The following KIAA1217 variants were observed in gnomAD, a reference collection of about 807,000 sequenced individuals.
The protein encoded by KIAA1217 is KIAA1217.
KIAA1217 carries 88 observed loss-of-function variants against 163.9 expected under a neutral mutation model. That is an observed-to-expected ratio of 0.54 (90% CI 0.45 to 0.64). The LOEUF is 0.64. Ranked by LOEUF, KIAA1217 falls within the 30% of genes least tolerant of loss-of-function variation. KIAA1217 has a pLI of 0.00. For synonymous variants in KIAA1217, 903 were observed against 923.1 expected, an observed-to-expected ratio of 0.98 and a Z score of 0.39; for missense variants, 2,372 against 2,475.0, an observed-to-expected ratio of 0.96 and a Z score of 0.88.
intron 1 of KIAA1217, among the ~76,000 whole-genome samples, chr10:23,954,283 G>T (rs1330769273): frequency 6.6e-6 from 1 of 152,072 alleles, no homozygotes; most frequent in Non-Finnish European, 1.5e-5. Flanking sequence ...AGGGAAAGGG[G>T]GCCGGGCATG....
At chr10:24,193,393 A>C (rs1210380859) in intron 2 of KIAA1217, among the ~76,000 whole-genome samples, 1 of 152,210 alleles carries the variant, frequency 6.6e-6, no homozygotes. Flanking sequence ...GTTCAATTTC[A>C]ATAGCTGCTT....
intron 1 of KIAA1217, among the ~76,000 whole-genome samples, chr10:23,747,396 T>C (rs373913170): frequency 9.2e-5 from 14 of 152,226 alleles, no homozygotes; most frequent in African/African-American, 3.1e-4. Flanking sequence ...AGAGGTTTTA[T>C]GAAGATGATA....
intron 2 of KIAA1217, among the ~76,000 whole-genome samples, chr10:24,288,189 G>C (rs2078744679): frequency 6.6e-6 from 1 of 152,084 alleles, no homozygotes; most frequent in Admixed American, 6.5e-5. Context: ...TTTGAAAGTT[G>C]TTGTGATGGA....
At chr10:23,740,276 G>T (rs1426481875) in intron 1 of KIAA1217, among the ~76,000 whole-genome samples, 1 of 152,230 alleles carries the variant, frequency 6.6e-6, no homozygotes, top group Non-Finnish European at 1.5e-5. Flanking sequence ...ACTTTGATTT[G>T]TTCATTTCTA....
chr10:24,436,001 C>T (rs1002939942), intron 4 of KIAA1217, among the ~76,000 whole-genome samples: 1 of 151,936 alleles, frequency 6.6e-6, no homozygotes, highest in South Asian at 2.1e-4. Context: ...GCTGGGACTA[C>T]AGGTGTGCGC....
In KIAA1217 at chr10:24,531,931, C is replaced by A; in HGVS notation, c.3184C>A (p.Leu1062Ile). The A allele has an allele frequency of 6.2e-7, 1 of 1,610,204 alleles. No homozygotes were observed. The highest frequency in any genetic ancestry group is 1.1e-5 in the South Asian group (1 of 90,292). ...TCGAAGCTACCTGCCAGGATCGGGA[C>A]TCACCACCACGAGGTCAGGCGATGT... ...PRRSYLPGSG[L>I]TTTRSGDVVY... The change falls in exon 15 of 21, where the codon CTC becomes ATC. Residue 1062 changes from leucine (L) to isoleucine (I), a missense_variant. Coordinates refer to ENST00000376454, the MANE Select transcript of KIAA1217 (RefSeq NM_019590.5).
chr10:23,945,056 C>A (rs1381398451), intron 1 of KIAA1217, among the ~76,000 whole-genome samples: 2 of 119,490 alleles, frequency 1.7e-5, no homozygotes, highest in African/African-American at 8.1e-5. Flanking sequence ...AAGACTCTAT[C>A]TCAAAAAAAA....
chr10:23,785,970 G>A (rs1835473529), intron 1 of KIAA1217, among the ~76,000 whole-genome samples: 1 of 152,080 alleles, frequency 6.6e-6, no homozygotes, highest in East Asian at 1.9e-4. Flanking sequence ...GGGCAGACAA[G>A]TAAAGTATTC....
intron 1 of KIAA1217, among the ~76,000 whole-genome samples, chr10:23,842,692 T>C (rs996316792): frequency 1.3e-5 from 2 of 152,096 alleles, no homozygotes; most frequent in Admixed American, 6.6e-5. Flanking sequence ...CTTCACATGA[T>C]GACATAAGTG....
At position 24,027,713 on chromosome 10, in the gene KIAA1217, C is replaced by T. The variant is rs1245484612; in HGVS notation, c.-171+20339C>T. On this transcript the variant is annotated intron_variant, in intron 2 of 18. Coordinates refer to the KIAA1217 transcript ENST00000376462. ...AAATTATTTACAGACAATAAAATAT[C>T]AATGAAAATTTTAATAGGTTTTATT... Among the ~76,000 whole-genome samples the T allele has an allele frequency of 4.6e-5, 7 of 151,918 alleles. No individual in the cohort carries two copies. The South Asian group carries it at 1.5e-3, about 31-fold the overall frequency.
chr10:23,966,242 G>T (rs1175299631), intron 1 of KIAA1217, among the ~76,000 whole-genome samples: 2 of 152,194 alleles, frequency 1.3e-5, no homozygotes, highest in Non-Finnish European at 2.9e-5. Flanking sequence ...ACAAGCCTCT[G>T]TGGGCACTAC....
At position 24,077,967 on chromosome 10, in the gene KIAA1217, G is replaced by A. The variant is rs751326990; in HGVS notation, c.-171+70593G>A. Among the ~76,000 whole-genome samples, 11 of 152,034 alleles carry A rather than the reference G, an allele frequency of 7.2e-5. 1 individual carries two copies. Among genetic ancestry groups the A allele is most frequent in the South Asian group, 2.1e-4 (1 of 4,808 alleles). ...TGGTGTTGAGCTTTTTTTTCATATC[G>A]TTGTTGGCTGCATAAATGTCTTCTT... On this transcript the variant is annotated intron_variant, in intron 2 of 18. Transcript: ENST00000376462.
At chr10:24,211,785 G>A (rs931643648) in intron 1 of KIAA1217, among the ~76,000 whole-genome samples, 7 of 151,774 alleles carry the variant, frequency 4.6e-5, no homozygotes, top group South Asian at 2.1e-4. Context: ...TGGACCAGGC[G>A]GTGATTAGCA....
chr10:24,532,850 C>T (rs536976868), intron 15 of KIAA1217, among the ~76,000 whole-genome samples: 2 of 152,146 alleles, frequency 1.3e-5, no homozygotes, highest in Admixed American at 1.3e-4. Flanking sequence ...TTGAGGAGTT[C>T]CAATTATATT....
chr10:23,773,805 A>G (rs1449345631), intron 1 of KIAA1217, among the ~76,000 whole-genome samples: 1 of 151,984 alleles, frequency 6.6e-6, no homozygotes, highest in Non-Finnish European at 1.5e-5. Flanking sequence ...TTGTACATTG[A>G]TTTTGTATCC....
At chr10:24,073,216 G>A (rs912155491) in intron 2 of KIAA1217, among the ~76,000 whole-genome samples, 8 of 152,110 alleles carry the variant, frequency 5.3e-5, no homozygotes, top group African/African-American at 1.9e-4. Context: ...GAAACAAGAA[G>A]GAAGCAGAGC....
At chr10:24,542,382 C>G (rs1053468565) in intron 17 of KIAA1217, 2 of 466,216 alleles carry the variant, frequency 4.3e-6, no homozygotes, top group African/African-American at 1.9e-5. Flanking sequence ...AGCTCACAAT[C>G]TGATGTTGAA....
chr10:24,247,726 G>A (rs1028357530), intron 2 of KIAA1217, among the ~76,000 whole-genome samples: 2 of 152,078 alleles, frequency 1.3e-5, no homozygotes, highest in Admixed American at 6.6e-5. Context: ...GCATGAACCC[G>A]GGAGGTGGAG....
chr10:23,897,644 G>A (rs995394820), intron 1 of KIAA1217, among the ~76,000 whole-genome samples: 9 of 152,008 alleles, frequency 5.9e-5, no homozygotes, highest in Admixed American at 3.3e-4. Flanking sequence ...ACACGGAACC[G>A]AGGAGTGTAA....
Sources: allele counts gnomAD v4.1 joint callset (sites outside exome capture counted in the v4.1 genomes callset), GRCh38; gene constraint gnomAD v4.1.1; transcripts MANE v1.5; gene names NCBI Gene and HGNC (gene_info 2026-07-23, HGNC 2026-07-21).